Variants in INPP4B observed in about 807,000 individuals in gnomAD.
INPP4B encodes inositol polyphosphate-4-phosphatase type II B, also known as inositol polyphosphate 4-phosphatase type II.
Under a neutral mutation model 122.5 loss-of-function variants are expected in INPP4B, and 55 were observed. The ratio of observed to expected loss-of-function variants is 0.45; its 90% CI spans 0.36 to 0.56. INPP4B has a LOEUF of 0.56. Among genes scored for constraint, INPP4B ranks in the 20% least tolerant of loss-of-function variants. The pLI is 0.00. For missense variants in INPP4B, 1,000 were observed against 1,097.7 expected (o/e 0.91, Z 1.26); for synonymous variants, 403 against 388.7 (o/e 1.04, Z -0.43).
chr4:142,720,977 A>T (rs1764584211), intron 2 of INPP4B, among the ~76,000 whole-genome samples: 1 of 149,222 alleles, frequency 6.7e-6, no homozygotes, highest in Admixed American at 6.8e-5. Flanking sequence ...AAGAACAAAC[A>T]TACATTTATG....
intron 1 of INPP4B, among the ~76,000 whole-genome samples, chr4:142,726,224 A>C (rs1355098410): frequency 6.6e-6 from 1 of 152,248 alleles, no homozygotes; most frequent in Non-Finnish European, 1.5e-5. Context: ...ATCATTTCAA[A>C]AGACAAGATG....
intron 14 of INPP4B, among the ~76,000 whole-genome samples, chr4:142,201,543 C>G (rs1399846428): frequency 6.6e-6 from 1 of 151,984 alleles, no homozygotes; most frequent in African/African-American, 2.4e-5. Context: ...ATAGATTGAT[C>G]TATGTATACC....
chr4:142,496,208 A>T (rs1430611658), intron 2 of INPP4B, among the ~76,000 whole-genome samples: 1 of 151,932 alleles, frequency 6.6e-6, no homozygotes, highest in Non-Finnish European at 1.5e-5. Flanking sequence ...CTTCCTGGTT[A>T]ATTTTGCTCA....
intron 1 of INPP4B, among the ~76,000 whole-genome samples, chr4:142,811,414 T>C (rs766365696): frequency 6.6e-6 from 1 of 152,216 alleles, no homozygotes; most frequent in Non-Finnish European, 1.5e-5. Flanking sequence ...AAAGACATTA[T>C]GCCAGCCACC....
At chr4:142,288,114 A>G (rs1021306603) in intron 9 of INPP4B, among the ~76,000 whole-genome samples, 2 of 152,238 alleles carry the variant, frequency 1.3e-5, no homozygotes, top group Non-Finnish European at 2.9e-5. Flanking sequence ...ATTGGAGGGT[A>G]GGGCCTCAAT....
chr4:142,453,981 G>A (rs1279271149), intron 3 of INPP4B, among the ~76,000 whole-genome samples: 5 of 151,996 alleles, frequency 3.3e-5, no homozygotes, highest in Admixed American at 3.3e-4. Flanking sequence ...TGAAACACGG[G>A]TTAATTCTCT....
chr4:142,552,987 T>C (rs997506655), intron 2 of INPP4B, among the ~76,000 whole-genome samples: 3 of 152,178 alleles, frequency 2.0e-5, no homozygotes, highest in African/African-American at 4.8e-5. Flanking sequence ...CAAGACACAA[T>C]AGACATTTTT....
chr4:142,810,186 A>T (rs1779336551), intron 1 of INPP4B, among the ~76,000 whole-genome samples: 1 of 151,532 alleles, frequency 6.6e-6, no homozygotes, highest in Admixed American at 6.6e-5. Context: ...AAAAAAAAAA[A>T]TCAAATTGTA....
chr4:142,260,379 T>A (rs1739295466), intron 11 of INPP4B, 113 bp downstream of exon 11: 1 of 710,838 alleles, frequency 1.4e-6, no homozygotes, highest in Admixed American at 2.6e-5. Context: ...GATTTCCCAG[T>A]GTATTTACTA....
At chr4:142,636,434 C>T (rs2150451938) in intron 2 of INPP4B, among the ~76,000 whole-genome samples, 1 of 152,022 alleles carries the variant, frequency 6.6e-6, no homozygotes, top group Non-Finnish European at 1.5e-5. Flanking sequence ...ATAGAAGGAA[C>T]TATTATTTTC....
At chr4:142,172,689 T>G (rs1487466068) in intron 16 of INPP4B, among the ~76,000 whole-genome samples, 3 of 152,010 alleles carry the variant, frequency 2.0e-5, no homozygotes, top group Non-Finnish European at 4.4e-5. Flanking sequence ...TAAGATATTA[T>G]TATAAATTAA....
intron 25 of INPP4B, among the ~76,000 whole-genome samples, chr4:142,057,873 C>G (rs1758538224): frequency 6.6e-6 from 1 of 152,010 alleles, no homozygotes; most frequent in Non-Finnish European, 1.5e-5. Flanking sequence ...TCCTTAAGAC[C>G]CAACTCAAAT....
chr4:142,621,803 A>G (rs966144675), intron 2 of INPP4B, among the ~76,000 whole-genome samples: 8 of 151,688 alleles, frequency 5.3e-5, no homozygotes, highest in African/African-American at 1.9e-4. Flanking sequence ...GTAATAAAAT[A>G]TAATTATGTA....
At position 142,403,061 on chromosome 4, in the gene INPP4B, C is replaced by A. The variant is rs1379852506; in HGVS notation, c.256-7G>T. 1.4e-6 allele frequency: 2 copies of A among 1,476,188 alleles called. No homozygotes were observed. Among genetic ancestry groups the A allele is most frequent in the Non-Finnish European group, 1.9e-6 (2 of 1,054,750 alleles). 91.4% of individuals were successfully genotyped at this position (1,476,188 alleles called of 1,614,324 possible). A position where few individuals can be genotyped will look rare whatever the true frequency, so the allele number is the denominator to read the frequency against. ...ACAGTGGGTCCCTTGTTCCCTGTAACAGCACAAGCAGACAACTTTGATTCA... is the reference window on the plus strand; with the variant it reads ...ACAGTGGGTCCCTTGTTCCCTGTAAAAGCACAAGCAGACAACTTTGATTCA... On this transcript the variant is annotated splice_polypyrimidine_tract_variant and splice_region_variant and intron_variant, in intron 6 of 25. Coordinates refer to ENST00000262992, the MANE Select transcript of INPP4B (RefSeq NM_001101669.3).
chr4:142,257,931 C>T (rs1452076801), intron 11 of INPP4B, among the ~76,000 whole-genome samples: 5 of 152,164 alleles, frequency 3.3e-5, no homozygotes, highest in African/African-American at 4.8e-5. Context: ...CTGGAGACAT[C>T]GCACTACCTG....
chr4:142,468,105 C>A (rs1433648340), intron 2 of INPP4B: 1 of 152,148 alleles, frequency 6.6e-6, no homozygotes, highest in Non-Finnish European at 1.5e-5. Context: ...AATTACCCAG[C>A]TCCGAGTATT....
intron 2 of INPP4B, among the ~76,000 whole-genome samples, chr4:142,497,458 T>C (rs1330189054): frequency 1.3e-5 from 2 of 152,166 alleles, no homozygotes; most frequent in East Asian, 3.9e-4. Context: ...CTCAAATTTA[T>C]ACAGAGGCAA....
chr4:142,515,604 A>G (rs1825318729), intron 2 of INPP4B, among the ~76,000 whole-genome samples: 1 of 152,172 alleles, frequency 6.6e-6, no homozygotes, highest in Admixed American at 6.6e-5. Flanking sequence ...TGTCCTCCTC[A>G]GCAACCTAGC....
intron 23 of INPP4B, among the ~76,000 whole-genome samples, chr4:142,103,035 G>A (rs964515595): frequency 1.3e-3 from 191 of 152,158 alleles, no homozygotes; most frequent in African/African-American, 4.3e-3. Context: ...CTGTTTCTCT[G>A]ATTATACAAC....
Sources: gnomAD v4.1 joint callset for allele counts (sites outside exome capture counted in the v4.1 genomes callset) on GRCh38, gnomAD v4.1.1 for gene constraint, MANE v1.5 for transcripts, NCBI Gene and HGNC (gene_info 2026-07-23, HGNC 2026-07-21) for gene names.